SI: variants seen among roughly 807,000 people sequenced by gnomAD.
The protein encoded by SI is sucrase-isomaltase, intestinal.
Under a neutral mutation model 253.3 loss-of-function variants are expected in SI, and 235 were observed. The ratio of observed to expected loss-of-function variants is 0.93; its 90% CI spans 0.83 to 1.03. The LOEUF (loss-of-function observed/expected upper bound fraction) is 1.03. Among genes scored for constraint, SI ranks in the 50% least tolerant of loss-of-function variants. The probability of loss-of-function intolerance (pLI) is 0.00; values close to 1 mark genes in which losing one functional copy is unlikely to be tolerated. For missense variants in SI, 2,442 were observed against 2,211.1 expected (o/e 1.10, Z -2.09); for synonymous variants, 819 against 712.0 (o/e 1.15, Z -2.39).
chr3:164,989,477 A>G (rs1330789517), intron 44 of SI, among the ~76,000 whole-genome samples: 1 of 151,756 alleles, frequency 6.6e-6, no homozygotes, highest in Non-Finnish European at 1.5e-5. Flanking sequence ...AGAGAGGAGA[A>G]GAGAAGAGAA....
At chr3:165,008,083 G>C (rs776377937) in intron 35 of SI, 85 bp from the exon 36 acceptor site, 2 of 715,998 alleles carry the variant, frequency 2.8e-6, no homozygotes, top group Non-Finnish European at 5.0e-6. Context: ...AAAGTAAGTA[G>C]GTTAACATAT....
chr3:165,058,893 TC>T, intron 12 of SI, 69 bp downstream of exon 12: 4 of 621,146 alleles, frequency 6.4e-6, no homozygotes, highest in South Asian at 4.8e-5. Flanking sequence ...CACACGCACA[TC>T]CACAGAAACT....
intron 25 of SI, among the ~76,000 whole-genome samples, chr3:165,029,757 T>C (rs901782000): frequency 1.3e-5 from 2 of 150,392 alleles, no homozygotes; most frequent in African/African-American, 4.9e-5. Context: ...TTCGTTTTGA[T>C]AAAGTTAGCA....
chr3:165,057,177 G>A (rs571623867), intron 12 of SI, among the ~76,000 whole-genome samples: 5 of 151,788 alleles, frequency 3.3e-5, no homozygotes, highest in Non-Finnish European at 7.4e-5. Context: ...AACTTGAGCT[G>A]AAAACTGCAA....
Position 165,019,780 on chromosome 3 carries a change from A to G in SI, c.3255-10T>C. ...CAGCCAAGAATCCCAACTGAAAACA[A>G]AAGAAAACAAAGCTATGTCTGTCAA... is the stretch of plus-strand genomic sequence containing the variant. On this transcript the variant is annotated splice_polypyrimidine_tract_variant and intron_variant, in intron 27 of 47. Transcript: ENST00000264382. The G allele has an allele frequency of 6.2e-7, 1 of 1,611,080 alleles. No individual in the cohort carries two copies. The highest frequency in any genetic ancestry group is 1.3e-5 in the African/African-American group (1 of 74,916).
At chr3:165,051,845 ATAAT>A (rs772015233) in intron 13 of SI, among the ~76,000 whole-genome samples, 73 of 152,088 alleles carry the variant, frequency 4.8e-4, no homozygotes, top group Non-Finnish European at 3.4e-4. Context: ...TTTTTAGAAA[ATAAT>A]TAATTGGTTT....
the SI span, among the ~76,000 whole-genome samples, chr3:165,089,474 G>A: frequency 2.6e-5 from 4 of 152,180 alleles, no homozygotes; most frequent in East Asian, 7.8e-4. Flanking sequence ...AAGTGAATCT[G>A]CCAAAAGTGA....
At chr3:165,018,821 A>T (rs1383891723) in intron 28 of SI, among the ~76,000 whole-genome samples, 1 of 151,604 alleles carries the variant, frequency 6.6e-6, no homozygotes, top group African/African-American at 2.4e-5. Context: ...TATTCTTTCA[A>T]GTTAGTGTTA....
At chr3:165,033,820 C>T (rs1712383899) in intron 22 of SI, among the ~76,000 whole-genome samples, 1 of 151,374 alleles carries the variant, frequency 6.6e-6, no homozygotes, top group African/African-American at 2.4e-5. Flanking sequence ...GAAGACATGG[C>T]ATATTATAAT....
intron 15 of SI, 150 bp from the exon 16 acceptor site, chr3:165,047,162 C>T (rs768290542): frequency 2.9e-4 from 191 of 647,470 alleles, no homozygotes; most frequent in Non-Finnish European, 4.5e-4. Context: ...TTCCACAATT[C>T]CCAGATGTTG....
chr3:165,055,106 A>G, intron 13 of SI, 88 bp downstream of exon 13: 1 of 828,828 alleles, frequency 1.2e-6, no homozygotes, highest in South Asian at 1.4e-5. Context: ...ATACATCAGA[A>G]AAAAATATTT....
At chr3:165,033,620 G>T (rs952652664) in intron 22 of SI, among the ~76,000 whole-genome samples, 176 bp from the exon 23 acceptor site, 1 of 151,532 alleles carries the variant, frequency 6.6e-6, no homozygotes, top group African/African-American at 2.4e-5. Context: ...TATAATAATG[G>T]TATTTCATTT....
chr3:165,015,828 A>AAATC (rs772903928), intron 32 of SI, 124 bp downstream of exon 32: 3 of 844,842 alleles, frequency 3.6e-6, no homozygotes, highest in Non-Finnish European at 6.0e-6. Context: ...AGAGAGTTTT[A>AAATC]GATTTGGGAG....
intron 37 of SI, among the ~76,000 whole-genome samples, chr3:165,002,118 C>A (rs1472268689): frequency 6.6e-6 from 1 of 151,564 alleles, no homozygotes; most frequent in East Asian, 1.9e-4. Context: ...TCCCTAACAT[C>A]TTTAAAGCTT....
chr3:165,048,686 C>T (rs927021502), intron 15 of SI, among the ~76,000 whole-genome samples: 1 of 151,354 alleles, frequency 6.6e-6, no homozygotes, highest in Non-Finnish European at 1.5e-5. Flanking sequence ...GGCATGATCT[C>T]GGCTCACTGC....
At chr3:165,016,503 G>C (rs1317360772) in intron 31 of SI, among the ~76,000 whole-genome samples, 1 of 151,882 alleles carries the variant, frequency 6.6e-6, no homozygotes, top group Non-Finnish European at 1.5e-5. Context: ...CAAATATCGG[G>C]TAATTTCAAA....
intron 24 of SI, among the ~76,000 whole-genome samples, chr3:165,032,103 AAAAG>A (rs1214943382): frequency 1.3e-5 from 2 of 151,362 alleles, no homozygotes; most frequent in African/African-American, 4.8e-5. Flanking sequence ...ACCTCACTAA[AAAAG>A]AAACAGGAGA....
chr3:164,985,207 C>A (rs1717382801), intron 45 of SI, among the ~76,000 whole-genome samples: 1 of 152,088 alleles, frequency 6.6e-6, no homozygotes, highest in African/African-American at 2.4e-5. Flanking sequence ...GGAGAAAATT[C>A]TAAGAGAAGC....
chr3:164,993,379 T>C (rs1046864216), intron 41 of SI, among the ~76,000 whole-genome samples: 3 of 151,814 alleles, frequency 2.0e-5, no homozygotes, highest in African/African-American at 7.2e-5. Flanking sequence ...AATCTTTTGT[T>C]GTTGTTTTAG....
Sources: allele counts gnomAD v4.1 joint callset (sites outside exome capture counted in the v4.1 genomes callset), GRCh38; gene constraint gnomAD v4.1.1; transcripts MANE v1.5; gene names NCBI Gene and HGNC (gene_info 2026-07-23, HGNC 2026-07-21).